Variants in CFAP299 observed in about 807,000 individuals in gnomAD.
CFAP299 encodes cilia- and flagella-associated protein 299.
A neutral mutation model predicts 27.0 loss-of-function variants in CFAP299; 21 were observed. The ratio of observed to expected loss-of-function variants is 0.78; its 90% CI spans 0.55 to 1.12. The LOEUF (loss-of-function observed/expected upper bound fraction) is 1.12, where lower values mean the gene tolerates loss of function less well. CFAP299 is among the 50% of genes most tolerant of loss of function. CFAP299 has a pLI of 0.00. For synonymous variants in CFAP299, 104 were observed against 98.1 expected (o/e 1.06, Z -0.36); for missense variants, 310 against 276.6 (o/e 1.12, Z -0.86).
At chr4:80,562,111 C>T (rs962014487) in intron 2 of CFAP299, among the ~76,000 whole-genome samples, 3 of 151,850 alleles carry the variant, frequency 2.0e-5, no homozygotes, top group Non-Finnish European at 2.9e-5. Context: ...ATTTGCAAGC[C>T]TCATAGTAAC....
At chr4:80,620,917 A>G (rs1217129390) in intron 3 of CFAP299, among the ~76,000 whole-genome samples, 1 of 152,286 alleles carries the variant, frequency 6.6e-6, no homozygotes, top group South Asian at 2.1e-4. Context: ...ACATAAGTAT[A>G]TAGAGTGTCT....
chr4:80,870,914 TG>T (rs1733047293), intron 4 of CFAP299: 2 of 981,600 alleles, frequency 2.0e-6, no homozygotes, highest in South Asian at 9.4e-5. Context: ...TTTTTTGATT[TG>T]TTTGTTTTTG....
chr4:80,419,294 C>T (rs1358628236), intron 2 of CFAP299, among the ~76,000 whole-genome samples: 2 of 152,168 alleles, frequency 1.3e-5, no homozygotes, highest in East Asian at 1.9e-4. Context: ...CGTTCCTTCT[C>T]CCCTGATTCT....
chr4:80,771,255 A>G (rs558354064), intron 3 of CFAP299, among the ~76,000 whole-genome samples: 41 of 152,288 alleles, frequency 2.7e-4, no homozygotes, highest in Non-Finnish European at 5.0e-4. Flanking sequence ...TTAATTTAAT[A>G]TGCTAAAACC....
intron 2 of CFAP299, among the ~76,000 whole-genome samples, chr4:80,456,864 T>C (rs1412236262): frequency 6.6e-6 from 1 of 151,984 alleles, no homozygotes; most frequent in Non-Finnish European, 1.5e-5. Context: ...GTTTGACAGA[T>C]GAGGAAGAGC....
chr4:80,635,817 T>C (rs969322258), intron 3 of CFAP299, among the ~76,000 whole-genome samples: 2 of 152,134 alleles, frequency 1.3e-5, no homozygotes, highest in Admixed American at 1.3e-4. Flanking sequence ...TTTCAGTTAG[T>C]ATTCTAAAAA....
At chr4:80,705,464 T>G (rs1277193497) in intron 3 of CFAP299, among the ~76,000 whole-genome samples, 1 of 151,846 alleles carries the variant, frequency 6.6e-6, no homozygotes, top group Non-Finnish European at 1.5e-5. Context: ...CATTCCATTA[T>G]CCAGAACCCT....
At chr4:80,631,871 C>CCCG (rs1553942337) in intron 3 of CFAP299, among the ~76,000 whole-genome samples, 1 of 120,780 alleles carries the variant, frequency 8.3e-6, no homozygotes, top group East Asian at 2.8e-4. Context: ...CCCACCCCCC[C>CCCG]CCAACCAAAT....
chr4:80,591,468 C>T (rs932006338), intron 3 of CFAP299, among the ~76,000 whole-genome samples: 13 of 152,006 alleles, frequency 8.6e-5, no homozygotes, highest in South Asian at 2.1e-4. Context: ...AATCATGCAG[C>T]GAAGAGGTCG....
intron 2 of CFAP299, among the ~76,000 whole-genome samples, chr4:80,363,815 G>A (rs561030345): frequency 6.6e-5 from 10 of 152,140 alleles, no homozygotes; most frequent in South Asian, 4.1e-4. Context: ...CTGGCCAGGC[G>A]TGGTGGCTCA....
chr4:80,900,977 A>T (rs1317196745), intron 4 of CFAP299, among the ~76,000 whole-genome samples: 1 of 152,102 alleles, frequency 6.6e-6, no homozygotes, highest in Non-Finnish European at 1.5e-5. Context: ...CATTTTACTA[A>T]GTAACTACCA....
At position 80,390,724 on chromosome 4, in the gene CFAP299, C is replaced by CACACATATGTATAT. The variant is rs1560543496; in HGVS notation, c.242+27841_242+27842insCACATATGTATATA. Among the ~76,000 whole-genome samples, 2 of 119,246 alleles carry CACACATATGTATAT rather than the reference C, an allele frequency of 1.7e-5. 1 individual carries two copies. The highest frequency in any genetic ancestry group is 5.5e-4 in the South Asian group (2 of 3,644). The allele number at this position is 119,246 out of a possible 152,430, so 78.2% of individuals were successfully genotyped here. A position where few individuals can be genotyped will look rare whatever the true frequency, so the allele number is the denominator to read the frequency against. On this transcript the variant is annotated intron_variant, in intron 2 of 5. Transcript: ENST00000358105. ...ATATGTATATATGTATACACACATA[C>CACACATATGTATAT]ATGTATATATGTATATATGTATATA...
At position 80,517,073 on chromosome 4, in the gene CFAP299, T is replaced by A. The variant is rs535645855; in HGVS notation, c.243-66020T>A. On this transcript the variant is annotated intron_variant, in intron 2 of 5. Coordinates refer to ENST00000358105, the MANE Select transcript of CFAP299 (RefSeq NM_152770.3). ...TAAGCTAAGGACAGATGAGCTTCCA[T>A]TGGATTTAGCAGCAAGAAGTTCATT... Among the ~76,000 whole-genome samples the A allele has an allele frequency of 6.0e-4, 92 of 152,318 alleles. 1 individual carries two copies. Among genetic ancestry groups the A allele is most frequent in the African/African-American group, 2.0e-3 (85 of 41,582 alleles).
In CFAP299 at chr4:80,601,015, C is replaced by A. The variant is rs148497968; in HGVS notation, c.333+17832C>A. Among the ~76,000 whole-genome samples the A allele has an allele frequency of 5.8e-3, 881 of 152,096 alleles. 8 individuals carry two copies. Among genetic ancestry groups the A allele is most frequent in the African/African-American group, 0.02 (825 of 41,502 alleles). On this transcript the variant is annotated intron_variant, in intron 3 of 5. Transcript: ENST00000358105. ...ATATGGTGTCTGTATTTATTGAATG[C>A]TTAACAAATATTAGTTGTTATTAAG...
At chr4:80,901,412 G>A (rs1047199012) in intron 4 of CFAP299, among the ~76,000 whole-genome samples, 1 of 152,100 alleles carries the variant, frequency 6.6e-6, no homozygotes, top group Non-Finnish European at 1.5e-5. Context: ...TGCAATGGGT[G>A]TTTTTTGAAA....
At chr4:80,762,668 T>C (rs2110078648) in intron 3 of CFAP299, among the ~76,000 whole-genome samples, 2 of 152,296 alleles carry the variant, frequency 1.3e-5, no homozygotes, top group South Asian at 2.1e-4. Flanking sequence ...CTTCCAGGAA[T>C]AAAAGACTCA....
chr4:80,569,497 G>A (rs1314024887), intron 2 of CFAP299, among the ~76,000 whole-genome samples: 1 of 151,854 alleles, frequency 6.6e-6, no homozygotes, highest in Non-Finnish European at 1.5e-5. Context: ...CTTAGTGTGA[G>A]GTTTGGTTTG....
chr4:80,703,288 T>A (rs1471918387), intron 3 of CFAP299, among the ~76,000 whole-genome samples: 1 of 151,722 alleles, frequency 6.6e-6, no homozygotes, highest in Admixed American at 6.6e-5. Context: ...AAAAGAATAA[T>A]CTACCTTGCC....
At chr4:80,872,676 A>G (rs1334607682) in intron 4 of CFAP299, 1 of 154,586 alleles carries the variant, frequency 6.5e-6, no homozygotes, top group Non-Finnish European at 1.4e-5. Flanking sequence ...AGTGAGTTAT[A>G]AATGATCTCT....
Sources: allele counts gnomAD v4.1 joint callset (sites outside exome capture counted in the v4.1 genomes callset), GRCh38; gene constraint gnomAD v4.1.1; transcripts MANE v1.5; gene names NCBI Gene and HGNC (gene_info 2026-07-23, HGNC 2026-07-21).